Variants in SYT16 observed in about 807,000 individuals in gnomAD.
SYT16 encodes the protein synaptotagmin-16.
SYT16 carries 42 observed loss-of-function variants against 61.4 expected under a neutral mutation model. That is an observed-to-expected ratio of 0.68 (90% CI 0.53 to 0.89). The LOEUF is 0.89. Among genes scored for constraint, SYT16 ranks in the 40% least tolerant of loss-of-function variants. SYT16 has a pLI of 0.00. For missense variants in SYT16, 804 were observed against 807.3 expected (o/e 1.00, Z 0.05); for synonymous variants, 314 against 302.3 (o/e 1.04, Z -0.40).
chr14:62,075,043 C>G, intron 4 of SYT16, 92 bp from the exon 5 acceptor site: 1 of 1,397,968 alleles, frequency 7.2e-7, no homozygotes, highest in South Asian at 1.4e-5. Context: ...TTTCTGCAAT[C>G]TTGATTGTTG....
chr14:61,881,418 T>C (rs1283445824), intron 1 of SYT16, among the ~76,000 whole-genome samples: 2 of 152,262 alleles, frequency 1.3e-5, no homozygotes, highest in African/African-American at 4.8e-5. Flanking sequence ...GGTATTCCAT[T>C]GAGGCAGCTC....
At chr14:62,080,137 G>A (rs371608244) in intron 5 of SYT16, among the ~76,000 whole-genome samples, 12 of 152,310 alleles carry the variant, frequency 7.9e-5, no homozygotes, top group African/African-American at 2.6e-4. Flanking sequence ...CAGTGTTGCT[G>A]TTTACTAAAG....
At chr14:62,059,452 C>A (rs7148675) in intron 3 of SYT16, among the ~76,000 whole-genome samples, 31,487 of 151,292 alleles carry the variant, frequency 0.21, 7,311 homozygotes, top group African/African-American at 0.58. Context: ...CTTTATTTTC[C>A]CTCAGCCTAT....
intron 7 of SYT16, among the ~76,000 whole-genome samples, chr14:62,093,982 G>C (rs1031019734): frequency 1.3e-5 from 2 of 152,078 alleles, no homozygotes; most frequent in Admixed American, 6.6e-5. Context: ...CGTTTACTGA[G>C]GTGATGATAT....
chr14:61,862,726 A>G (rs1053108249), intron 1 of SYT16, among the ~76,000 whole-genome samples: 1 of 152,244 alleles, frequency 6.6e-6, no homozygotes, highest in Non-Finnish European at 1.5e-5. Context: ...ATAGTATCAT[A>G]CAGAGTAGTT....
At chr14:62,055,673 CA>C (rs1395045308) in intron 3 of SYT16, among the ~76,000 whole-genome samples, 1 of 152,076 alleles carries the variant, frequency 6.6e-6, no homozygotes, top group Non-Finnish European at 1.5e-5. Context: ...GAATAATCAG[CA>C]ACACAAATCC....
At chr14:62,072,762 C>T (rs2056345236) in intron 4 of SYT16, among the ~76,000 whole-genome samples, 1 of 152,074 alleles carries the variant, frequency 6.6e-6, no homozygotes, top group Admixed American at 6.6e-5. Flanking sequence ...AGATGGTAAG[C>T]AGAAGTCTTT....
chr14:61,937,537 G>A (rs192085166), intron 1 of SYT16, among the ~76,000 whole-genome samples: 1 of 152,286 alleles, frequency 6.6e-6, no homozygotes, highest in East Asian at 1.9e-4. Flanking sequence ...TGAAGCGTTT[G>A]CTGACAAAGT....
At chr14:61,957,080 T>G (rs1408624894) in intron 1 of SYT16, among the ~76,000 whole-genome samples, 1 of 151,992 alleles carries the variant, frequency 6.6e-6, no homozygotes, top group East Asian at 1.9e-4. Flanking sequence ...AGTGCAATTG[T>G]TTTCTAATTA....
intron 1 of SYT16, among the ~76,000 whole-genome samples, chr14:61,942,458 A>G (rs1198832392): frequency 6.6e-6 from 1 of 152,208 alleles, no homozygotes; most frequent in Non-Finnish European, 1.5e-5. Flanking sequence ...CAGTTCTGTT[A>G]TCAAAGTGAC....
At chr14:62,028,518 T>C (rs1206868389) in intron 3 of SYT16, among the ~76,000 whole-genome samples, 2 of 152,216 alleles carry the variant, frequency 1.3e-5, no homozygotes, top group East Asian at 3.9e-4. Context: ...TGTTATGGTC[T>C]CTCTATACAG....
chr14:61,882,274 A>T (rs1048678599), intron 1 of SYT16, among the ~76,000 whole-genome samples: 1 of 152,210 alleles, frequency 6.6e-6, no homozygotes, highest in Non-Finnish European at 1.5e-5. Flanking sequence ...ATGATAAGTA[A>T]TTTATAGTTA....
At position 62,062,392 on chromosome 14, in the gene SYT16, A is replaced by G. The variant is rs117121992; in HGVS notation, c.524-7211A>G. On this transcript the variant is annotated intron_variant, in intron 3 of 7. Coordinates refer to ENST00000683842, the MANE Select transcript of SYT16 (RefSeq NM_001367656.1). ...TTCCTTCTCCCCCCAGCATAATCTT[A>G]TGAAAATGTAAAGCATATTAAAACA... 2.7e-3 allele frequency among the ~76,000 whole-genome samples: 417 copies of G among 152,268 alleles called. 9 individuals are homozygous for G. The East Asian group carries it at 0.067, about 25-fold the overall frequency.
At chr14:61,969,081 G>A (rs1444478924) in intron 1 of SYT16, among the ~76,000 whole-genome samples, 2 of 152,164 alleles carry the variant, frequency 1.3e-5, no homozygotes, top group Admixed American at 1.3e-4. Context: ...TATCTGGATA[G>A]TAAGGTTAGG....
chr14:62,044,922 G>A lies in SYT16; in HGVS notation c.524-24681G>A, dbSNP rs112639213. On this transcript the variant is annotated intron_variant, in intron 3 of 7. Coordinates refer to ENST00000683842, the MANE Select transcript of SYT16 (RefSeq NM_001367656.1). Reference sequence around the variant, plus strand: ...TGGGAGGCAGAGGTGGGTGGATCACGAGGTCAGGAATTCGAGACCAGCCTG... The same window carrying A: ...TGGGAGGCAGAGGTGGGTGGATCACAAGGTCAGGAATTCGAGACCAGCCTG... 2.5e-4 allele frequency among the ~76,000 whole-genome samples: 38 copies of A among 152,250 alleles called. 1 individual carries two copies. Among genetic ancestry groups the A allele is most frequent in the Middle Eastern group, 3.4e-3 (1 of 294 alleles).
chr14:62,047,478 C>A (rs1247641648), intron 3 of SYT16, among the ~76,000 whole-genome samples: 1 of 152,134 alleles, frequency 6.6e-6, no homozygotes, highest in African/African-American at 2.4e-5. Context: ...CCTTCTCCTG[C>A]CTGATTGCCC....
intron 1 of SYT16, among the ~76,000 whole-genome samples, chr14:61,827,908 C>A (rs112274412): frequency 2.9e-4 from 44 of 152,222 alleles, no homozygotes; most frequent in African/African-American, 9.2e-4. Context: ...GTATACACCC[C>A]AAATTCATAT....
chr14:62,036,142 C>T (rs1472386081), intron 3 of SYT16, among the ~76,000 whole-genome samples: 2 of 152,066 alleles, frequency 1.3e-5, no homozygotes, highest in Non-Finnish European at 2.9e-5. Flanking sequence ...GGGAAAGGAA[C>T]CCAAGCTGAG....
At chr14:62,030,255 G>A (rs928683592) in intron 3 of SYT16, among the ~76,000 whole-genome samples, 1 of 152,116 alleles carries the variant, frequency 6.6e-6, no homozygotes, top group African/African-American at 2.4e-5. Flanking sequence ...TCCGTATTTT[G>A]ATCAATTCCT....
Sources: allele counts gnomAD v4.1 joint callset (sites outside exome capture counted in the v4.1 genomes callset), GRCh38; gene constraint gnomAD v4.1.1; transcripts MANE v1.5; gene names NCBI Gene and HGNC (gene_info 2026-07-23, HGNC 2026-07-21).